LRIF1: variants seen among roughly 807,000 people sequenced by gnomAD.
LRIF1 encodes ligand-dependent nuclear receptor-interacting factor 1.
Under a neutral mutation model 52.7 loss-of-function variants are expected in LRIF1, and 32 were observed. The observed-to-expected ratio is 0.61, with a 90% confidence interval of 0.46 to 0.82. The LOEUF (loss-of-function observed/expected upper bound fraction) is 0.82. Ranked by LOEUF, LRIF1 falls within the 40% of genes least tolerant of loss-of-function variation. LRIF1 has a pLI of 0.00. For synonymous variants in LRIF1, 323 were observed against 317.4 expected, an observed-to-expected ratio of 1.02 and a Z score of -0.19; for missense variants, 887 against 892.0, an observed-to-expected ratio of 0.99 and a Z score of 0.07.
chr1:110,905,930 T>C, the LRIF1 span, among the ~76,000 whole-genome samples: 9 of 152,330 alleles, frequency 5.9e-5, no homozygotes, highest in South Asian at 1.7e-3. Context: ...GTTTTCTTTT[T>C]GCTTTTTTTA....
the LRIF1 span, among the ~76,000 whole-genome samples, chr1:110,934,929 G>A: frequency 3.9e-5 from 6 of 152,178 alleles, no homozygotes; most frequent in Non-Finnish European, 7.3e-5. Context: ...TTGTCATAGT[G>A]GTGGTGGCCA....
At chr1:110,892,713 C>T in the LRIF1 span, 458,097 of 582,906 alleles carry the variant, frequency 0.79, 184,131 homozygotes, top group Middle Eastern at 0.85. Context: ...TAGGGTCCCA[C>T]GGACAGGTGA....
chr1:110,901,214 G>A, the LRIF1 span, among the ~76,000 whole-genome samples: 1 of 151,048 alleles, frequency 6.6e-6, no homozygotes, highest in African/African-American at 2.4e-5. Flanking sequence ...TTTTGCTCTT[G>A]TTGCCCAGGC....
At chr1:110,920,540 A>C in the LRIF1 span, among the ~76,000 whole-genome samples, 14 of 152,202 alleles carry the variant, frequency 9.2e-5, no homozygotes, top group African/African-American at 3.4e-4. Flanking sequence ...GGGAGGGAGA[A>C]ATAAATAGGC....
chr1:110,917,600 A>C, the LRIF1 span, among the ~76,000 whole-genome samples: 2 of 151,940 alleles, frequency 1.3e-5, no homozygotes, highest in East Asian at 3.9e-4. Context: ...TGCACATAAC[A>C]AAAATCCCTG....
At chr1:110,930,395 T>C in the LRIF1 span, among the ~76,000 whole-genome samples, 1 of 152,196 alleles carries the variant, frequency 6.6e-6, no homozygotes, top group Non-Finnish European at 1.5e-5. Context: ...TTCTGAAAGC[T>C]AGGATCAAGA....
At chr1:110,886,798 T>C in the LRIF1 span, among the ~76,000 whole-genome samples, 3 of 148,596 alleles carry the variant, frequency 2.0e-5, no homozygotes, top group African/African-American at 4.9e-5. Context: ...TGAGCCAAGA[T>C]CACGCCACTG....
At chr1:110,942,665 G>A (rs756212218), downstream of LRIF1, among the ~76,000 whole-genome samples, 18 of 152,124 alleles carry the variant, frequency 1.2e-4, no homozygotes, top group Admixed American at 7.9e-4. Context: ...TGTAAGGCAC[G>A]AGACAAAGGA....
chr1:110,926,629 T>C, the LRIF1 span, among the ~76,000 whole-genome samples: 4 of 152,040 alleles, frequency 2.6e-5, no homozygotes, highest in Non-Finnish European at 5.9e-5. Context: ...TACAAAAGAC[T>C]TAAATAAATG....
Position 110,948,019 on chromosome 1 carries a change from C to A in LRIF1, c.2250G>T (p.Gln750His). 2 of 1,609,760 alleles carry A rather than the reference C, an allele frequency of 1.2e-6. No individual in the cohort carries two copies. Among genetic ancestry groups the A allele is most frequent in the Non-Finnish European group, 8.5e-7 (1 of 1,178,532 alleles). The change falls in exon 4 of 4, where the codon CAG becomes CAT. Residue 750 changes from glutamine (Q) to histidine (H), a missense_variant. Coordinates refer to ENST00000369763, the MANE Select transcript of LRIF1 (RefSeq NM_018372.4). Reference protein sequence around the residue: ...IRDEKIRRLKQVLREKEAALE... With the variant: ...IRDEKIRRLKHVLREKEAALE... ...GAGCTGCTTCTTTCTCTCTCAGCAC[C>A]TGCTTAAGTCTTCTTATTTTTTCAT...
the LRIF1 span, among the ~76,000 whole-genome samples, chr1:110,925,936 A>G: frequency 6.6e-6 from 1 of 152,162 alleles, no homozygotes; most frequent in Non-Finnish European, 1.5e-5. Flanking sequence ...AATCAAGCAA[A>G]TAAAAGAATA....
the LRIF1 span, among the ~76,000 whole-genome samples, chr1:110,931,376 G>A: frequency 6.6e-6 from 1 of 152,076 alleles, no homozygotes; most frequent in Non-Finnish European, 1.5e-5. Flanking sequence ...TCTTAATCCA[G>A]TCTATCATTG....
At chr1:110,935,081 G>A in the LRIF1 span, among the ~76,000 whole-genome samples, 3 of 152,198 alleles carry the variant, frequency 2.0e-5, no homozygotes, top group Non-Finnish European at 2.9e-5. Context: ...GTCCAAGACC[G>A]TCAAGGCAGT....
the LRIF1 span, among the ~76,000 whole-genome samples, chr1:110,920,014 T>C: frequency 1.6e-4 from 24 of 152,280 alleles, no homozygotes; most frequent in African/African-American, 5.3e-4. Context: ...ACATATCCAA[T>C]AGAATGGCCC....
the LRIF1 span, among the ~76,000 whole-genome samples, chr1:110,880,609 C>A: frequency 2.0e-5 from 3 of 152,248 alleles, no homozygotes; most frequent in African/African-American, 7.2e-5. Context: ...TAGTTATTTT[C>A]CTATGTCCAA....
chr1:110,875,901 A>G, the LRIF1 span, among the ~76,000 whole-genome samples: 111,174 of 152,082 alleles, frequency 0.73, 42,711 homozygotes, highest in Non-Finnish European at 0.85. Flanking sequence ...GAATCTCTAT[A>G]CTGAGAGTTA....
At chr1:110,880,293 C>A in the LRIF1 span, 1 of 152,138 alleles carries the variant, frequency 6.6e-6, no homozygotes, top group Non-Finnish European at 1.5e-5. Flanking sequence ...CTCTCTGGGG[C>A]CCTTATGGCA....
At chr1:110,949,354 G>A (rs928276062) in intron 3 of LRIF1, among the ~76,000 whole-genome samples, 2 of 151,184 alleles carry the variant, frequency 1.3e-5, no homozygotes, top group East Asian at 3.9e-4. Flanking sequence ...TCTTGACCTC[G>A]TGATCCGCCC....
chr1:110,909,502 A>T, the LRIF1 span, among the ~76,000 whole-genome samples: 1 of 151,998 alleles, frequency 6.6e-6, no homozygotes, highest in African/African-American at 2.4e-5. Flanking sequence ...GCAATGACAC[A>T]TATAGGCTCA....
Sources: gnomAD v4.1 joint callset for allele counts (sites outside exome capture counted in the v4.1 genomes callset) on GRCh38, gnomAD v4.1.1 for gene constraint, MANE v1.5 for transcripts, NCBI Gene and HGNC (gene_info 2026-07-23, HGNC 2026-07-21) for gene names.